The following CBFA2T2 variants were observed in gnomAD, a reference collection of about 807,000 sequenced individuals.
CBFA2T2 encodes CBFA2/RUNX1 partner transcriptional co-repressor 2, also known as protein CBFA2T2.
A neutral mutation model predicts 62.2 loss-of-function variants in CBFA2T2; 11 were observed. That is an observed-to-expected ratio of 0.18 (90% CI 0.11 to 0.29). The LOEUF is 0.29. CBFA2T2 is among the 10% of genes least tolerant of loss of function. The probability of loss-of-function intolerance (pLI) is 1.00; values close to 1 mark genes in which losing one functional copy is unlikely to be tolerated. For synonymous variants in CBFA2T2, 295 were observed against 287.5 expected (o/e 1.03, Z -0.27); for missense variants, 592 against 774.1 (o/e 0.76, Z 2.79).
chr20:33,644,670 T>C lies in CBFA2T2; in HGVS notation c.*24T>C. 6.3e-7 allele frequency: 1 copy of C among 1,574,960 alleles called. No homozygotes were observed. Among genetic ancestry groups the C allele is most frequent in the South Asian group, 1.2e-5 (1 of 85,686 alleles). Reference sequence around the variant, plus strand: ...GAGCCCCGGACTCTGCTTACCCTGATGGCTGCTCAGCACCACAGAGTGCTT... The same window carrying C: ...GAGCCCCGGACTCTGCTTACCCTGACGGCTGCTCAGCACCACAGAGTGCTT... On this transcript the variant is annotated 3_prime_UTR_variant, in exon 11 of 11. Transcript: ENST00000342704.
chr20:33,578,305 T>TC (rs1042539032), intron 1 of CBFA2T2, among the ~76,000 whole-genome samples: 2 of 151,898 alleles, frequency 1.3e-5, no homozygotes, highest in African/African-American at 4.8e-5. Flanking sequence ...TAAAAATAGA[T>TC]CCCCCCAAAA....
At chr20:33,560,910 G>A (rs866301670) in intron 1 of CBFA2T2, among the ~76,000 whole-genome samples, 1 of 151,824 alleles carries the variant, frequency 6.6e-6, no homozygotes, top group African/African-American at 2.4e-5. Context: ...ACGGAGTCTC[G>A]CTCTGTCACC....
chr20:33,620,223 T>C (rs1175333223), intron 4 of CBFA2T2, among the ~76,000 whole-genome samples: 1 of 152,110 alleles, frequency 6.6e-6, no homozygotes, highest in Admixed American at 6.5e-5. Flanking sequence ...CTAAACAGCT[T>C]TTGGCCAGTC....
intron 10 of CBFA2T2, among the ~76,000 whole-genome samples, chr20:33,643,454 T>TA (rs1413074057): frequency 7.1e-6 from 1 of 140,964 alleles, no homozygotes; most frequent in East Asian, 2.2e-4. Flanking sequence ...CACATGCCTG[T>TA]AGTCCCAGCT....
At chr20:33,643,712 T>A in intron 10 of CBFA2T2, among the ~76,000 whole-genome samples, 1 of 104,628 alleles carries the variant, frequency 9.6e-6, no homozygotes, top group East Asian at 3.5e-4. Flanking sequence ...AGCCCAGGAG[T>A]TCAAGCGTAG....
intron 1 of CBFA2T2, among the ~76,000 whole-genome samples, chr20:33,534,334 T>G (rs56348795): frequency 1.3e-5 from 2 of 152,076 alleles, no homozygotes; most frequent in Non-Finnish European, 2.9e-5. Flanking sequence ...TTTTGTTTGT[T>G]TGTTTGAGAC....
At chr20:33,503,090 C>CAA (rs35577702) in intron 1 of CBFA2T2, among the ~76,000 whole-genome samples, 24 of 52,844 alleles carry the variant, frequency 4.5e-4, no homozygotes, top group African/African-American at 1.2e-3. Flanking sequence ...GACTCTGTCT[C>CAA]AAAAAAAAAA....
At chr20:33,620,358 GA>G (rs989084772) in intron 4 of CBFA2T2, among the ~76,000 whole-genome samples, 1 of 147,730 alleles carries the variant, frequency 6.8e-6, no homozygotes, top group Non-Finnish European at 1.5e-5. Flanking sequence ...AAAAAAAATA[GA>G]AAAAAAAAAT....
chr20:33,510,250 G>A (rs187890082), intron 1 of CBFA2T2, among the ~76,000 whole-genome samples: 6 of 146,954 alleles, frequency 4.1e-5, no homozygotes, highest in African/African-American at 1.3e-4. Context: ...TCGCTCTGTC[G>A]CCCAGACTGG....
intron 1 of CBFA2T2, among the ~76,000 whole-genome samples, chr20:33,515,369 AAAG>A (rs1321649148): frequency 1.2e-4 from 18 of 149,610 alleles, no homozygotes; most frequent in Non-Finnish European, 2.4e-4. Context: ...AAAAAAAAAA[AAAG>A]TGTGGCACTG....
intron 1 of CBFA2T2, among the ~76,000 whole-genome samples, chr20:33,510,127 A>G (rs1036156064): frequency 6.6e-6 from 1 of 151,682 alleles, no homozygotes; most frequent in African/African-American, 2.4e-5. Context: ...AGCTGCGTCC[A>G]TGTCCCTGCA....
At chr20:33,593,600 C>T (rs996896426) in intron 1 of CBFA2T2, among the ~76,000 whole-genome samples, 8 of 151,988 alleles carry the variant, frequency 5.3e-5, no homozygotes, top group African/African-American at 1.9e-4. Flanking sequence ...GCCATGTTGG[C>T]CAGGCTGGTC....
chr20:33,548,378 G>C (rs1320829188), intron 1 of CBFA2T2, among the ~76,000 whole-genome samples: 2 of 151,832 alleles, frequency 1.3e-5, no homozygotes, highest in East Asian at 3.9e-4. Flanking sequence ...CAGGTAGCTA[G>C]GATTACAGGT....
intron 1 of CBFA2T2, among the ~76,000 whole-genome samples, chr20:33,595,700 A>C (rs2014856097): frequency 6.6e-6 from 1 of 151,726 alleles, no homozygotes; most frequent in Non-Finnish European, 1.5e-5. Flanking sequence ...CACCACTCCC[A>C]GCTAAATTTT....
At chr20:33,578,661 G>A (rs996930622) in intron 1 of CBFA2T2, among the ~76,000 whole-genome samples, 9 of 152,096 alleles carry the variant, frequency 5.9e-5, no homozygotes, top group Non-Finnish European at 1.2e-4. Context: ...GGATGACTTG[G>A]GAGCTTAAGA....
intron 1 of CBFA2T2, among the ~76,000 whole-genome samples, chr20:33,497,274 CAAAAA>C (rs34528525): frequency 1.0e-3 from 58 of 58,076 alleles, no homozygotes; most frequent in African/African-American, 2.6e-3. Context: ...ACCCTGTCTC[CAAAAA>C]AAAAAAAAAA....
At chr20:33,557,525 GAGAC>G (rs1187658527) in intron 1 of CBFA2T2, among the ~76,000 whole-genome samples, 1 of 138,502 alleles carries the variant, frequency 7.2e-6, no homozygotes, top group Non-Finnish European at 1.6e-5. Flanking sequence ...TATTTTTTGA[GAGAC>G]AGGGTCTCAC....
intron 1 of CBFA2T2, among the ~76,000 whole-genome samples, chr20:33,503,319 A>G (rs1416638799): frequency 1.8e-4 from 26 of 143,792 alleles, no homozygotes; most frequent in Non-Finnish European, 3.0e-4. Flanking sequence ...CAGTGGCGCA[A>G]TCTCAGCTCA....
rs143221959 is a variant in CBFA2T2, at chr20:33,491,782, A to G, written c.34+1481A>G. ...AGGGGTGTGATCTTGGCTCACTGCAACCTCCGTCTCCTGGGTTCAAGCTAT... is the reference window on the plus strand; with the variant it reads ...AGGGGTGTGATCTTGGCTCACTGCAGCCTCCGTCTCCTGGGTTCAAGCTAT... On this transcript the variant is annotated intron_variant, in intron 1 of 10. Transcript: ENST00000342704. Among the ~76,000 whole-genome samples, 557 of 151,830 alleles carry G rather than the reference A, an allele frequency of 3.7e-3. 4 individuals are homozygous for G. The highest frequency in any genetic ancestry group is 0.013 in the African/African-American group (534 of 41,370).
Sources: gnomAD v4.1 joint callset for allele counts (sites outside exome capture counted in the v4.1 genomes callset) on GRCh38, gnomAD v4.1.1 for gene constraint, MANE v1.5 for transcripts, NCBI Gene and HGNC (gene_info 2026-07-23, HGNC 2026-07-21) for gene names.